Variants in AIM2 observed in about 807,000 individuals in gnomAD.
AIM2 encodes interferon-inducible protein AIM2.
In AIM2, 30 loss-of-function variants were observed where a neutral mutation model predicts 27.7. The ratio of observed to expected loss-of-function variants is 1.08; its 90% CI spans 0.81 to 1.47. The LOEUF (loss-of-function observed/expected upper bound fraction) is 1.47, where lower values mean the gene tolerates loss of function less well. Among genes scored for constraint, AIM2 ranks in the 40% most tolerant of loss-of-function variants. The pLI, the probability that AIM2 is intolerant of heterozygous loss-of-function variation, is 0.00. For synonymous variants in AIM2, 141 were observed against 145.3 expected (o/e 0.97, Z 0.21); for missense variants, 358 against 411.3 (o/e 0.87, Z 1.12).
Position 159,073,251 on chromosome 1 carries a change from C to T in AIM2, c.249G>A (p.Glu83=), listed in dbSNP as rs34479821. The change falls in exon 2 of 6, where the codon GAG becomes GAA. Residue 83 remains glutamate, a synonymous_variant. Coordinates refer to ENST00000368130, the MANE Select transcript of AIM2 (RefSeq NM_004833.3). ...NYMLLAKRLQ[E]EKEKVDKQYK... ...CTCCCACATTACCTTTCTCCTTCTC[C>T]TCCTGAAGACGTTTTGCCAAAAGCA... 4.4e-3 allele frequency: 7,080 copies of T among 1,614,094 alleles called. 199 individuals carry two copies. In the African/African-American group the frequency reaches 0.06, roughly 14 times the overall value.
upstream of AIM2, among the ~76,000 whole-genome samples, chr1:159,143,763 C>T (rs1219003282): frequency 6.6e-6 from 1 of 152,168 alleles, no homozygotes; most frequent in Non-Finnish European, 1.5e-5. Context: ...CTCTCCAACT[C>T]CCTCCAGGAG....
chr1:159,073,596 TA>T, intron 1 of AIM2, 77 bp from the exon 2 acceptor site: 2 of 1,364,262 alleles, frequency 1.5e-6, no homozygotes, highest in Middle Eastern at 3.8e-4. Context: ...GGTGAGCTAT[TA>T]ATATTTTTTA....
the AIM2 span, among the ~76,000 whole-genome samples, chr1:159,056,119 G>A: frequency 6.6e-5 from 10 of 152,170 alleles, no homozygotes; most frequent in South Asian, 2.1e-4. Context: ...AGTTAGGCTC[G>A]CAGACAATTT....
chr1:159,117,352 T>C (rs1647396421), intron 1 of AIM2, among the ~76,000 whole-genome samples: 1 of 151,994 alleles, frequency 6.6e-6, no homozygotes, highest in Admixed American at 6.6e-5. Context: ...GGAGAAAAGG[T>C]ATAGTTAACC....
chr1:159,056,869 C>T, the AIM2 span, among the ~76,000 whole-genome samples: 3,172 of 151,890 alleles, frequency 0.021, 64 homozygotes, highest in Non-Finnish European at 0.032. Context: ...GGGAGTGTCC[C>T]GTAGTACGGA....
At chr1:159,099,873 A>G (rs1014474082) in intron 1 of AIM2, among the ~76,000 whole-genome samples, 1 of 152,148 alleles carries the variant, frequency 6.6e-6, no homozygotes. Context: ...CTGGGTTTAC[A>G]TTTGCACATT....
downstream of AIM2, among the ~76,000 whole-genome samples, chr1:159,062,152 T>C (rs574341415): frequency 7.9e-5 from 12 of 152,214 alleles, no homozygotes; most frequent in Non-Finnish European, 1.5e-4. Flanking sequence ...GGCTCTCTAG[T>C]TTTCCATTGG....
At chr1:159,137,514 G>A (rs1557917168) in intron 1 of AIM2, among the ~76,000 whole-genome samples, 1 of 151,966 alleles carries the variant, frequency 6.6e-6, no homozygotes, top group Admixed American at 6.6e-5. Flanking sequence ...AAAATTAGCC[G>A]GGCATGTTGG....
chr1:159,105,442 C>T lies in AIM2; in HGVS notation c.-16+34989G>A, dbSNP rs1302499246. ...GCATGTTTCTGCCCTGTTTGTGTTACAGCTCTTTCAGTCTCACCATTCAGC... is the reference window on the plus strand; with the variant it reads ...GCATGTTTCTGCCCTGTTTGTGTTATAGCTCTTTCAGTCTCACCATTCAGC... On this transcript the variant is annotated intron_variant, in intron 1 of 2. Transcript: ENST00000368129. Among the ~76,000 whole-genome samples, 5 of 152,238 alleles carry T rather than the reference C, an allele frequency of 3.3e-5. No homozygotes were observed. The East Asian group carries it at 7.7e-4, about 23-fold the overall frequency.
rs563963991 is a variant in AIM2, at chr1:159,122,690, G to A, written c.-16+17741C>T. ...CTCTCAAAGACCTTGGTTCTCGGCA[G>A]AACAAACCAGCCTGAGTCAAAATTG... On this transcript the variant is annotated intron_variant, in intron 1 of 2. Coordinates refer to the AIM2 transcript ENST00000368129. 6.6e-5 allele frequency among the ~76,000 whole-genome samples: 10 copies of A among 152,332 alleles called. No homozygotes were observed. In the South Asian group the frequency reaches 1.9e-3, roughly 28 times the overall value.
chr1:159,075,816 G>A (rs889832898), intron 1 of AIM2, among the ~76,000 whole-genome samples: 7 of 152,098 alleles, frequency 4.6e-5, no homozygotes, highest in African/African-American at 1.7e-4. Flanking sequence ...CATATAAAGT[G>A]GAAGAAATAA....
chr1:159,128,519 T>G lies in AIM2; in HGVS notation c.-16+11912A>C, dbSNP rs1647780684. The stretch of plus-strand genomic sequence containing the variant: ...GTTCACTCAGTTACTCCCACTCTTT[T>G]GACTGCTTTTGACCAAGCCAGTAGT... On this transcript the variant is annotated intron_variant, in intron 1 of 2. Transcript: ENST00000368129. Among the ~76,000 whole-genome samples, 3 of 152,198 alleles carry G rather than the reference T, an allele frequency of 2.0e-5. No homozygotes were observed. The South Asian group carries it at 6.2e-4, about 31-fold the overall frequency.
At chr1:159,063,816 AT>A in intron 4 of AIM2, 142 bp from the exon 5 acceptor site, 1 of 871,288 alleles carries the variant, frequency 1.1e-6, no homozygotes, top group Non-Finnish European at 1.7e-6. Context: ...GTGCAGGTCC[AT>A]TTATATGGGA....
upstream of AIM2, among the ~76,000 whole-genome samples, chr1:159,143,789 G>C (rs1648156398): frequency 6.6e-6 from 1 of 152,130 alleles, no homozygotes; most frequent in South Asian, 2.1e-4. Flanking sequence ...TTCATTATCT[G>C]TAATGTTCCC....
intron 1 of AIM2, among the ~76,000 whole-genome samples, chr1:159,103,358 C>A (rs1212015349): frequency 6.9e-6 from 1 of 144,284 alleles, no homozygotes; most frequent in Non-Finnish European, 1.5e-5. Context: ...CAGGCTAATA[C>A]ATCACAGTTT....
At chr1:159,092,973 C>G (rs975959532) in intron 1 of AIM2, among the ~76,000 whole-genome samples, 2 of 151,946 alleles carry the variant, frequency 1.3e-5, no homozygotes, top group South Asian at 4.2e-4. Flanking sequence ...TTGCAGTGAG[C>G]CAAGATCGCG....
intron 1 of AIM2, among the ~76,000 whole-genome samples, chr1:159,097,856 A>G (rs1657212685): frequency 6.6e-6 from 1 of 152,170 alleles, no homozygotes; most frequent in Admixed American, 6.5e-5. Flanking sequence ...AGGCACTGAA[A>G]CCACTCAACC....
intron 1 of AIM2, among the ~76,000 whole-genome samples, chr1:159,137,290 C>G (rs1458067037): frequency 6.6e-6 from 1 of 152,054 alleles, no homozygotes; most frequent in East Asian, 1.9e-4. Context: ...CTTAAGAGTC[C>G]CAGAATGTGT....
At chr1:159,123,822 T>TA (rs1647606994) in intron 1 of AIM2, among the ~76,000 whole-genome samples, 1 of 152,226 alleles carries the variant, frequency 6.6e-6, no homozygotes, top group Non-Finnish European at 1.5e-5. Context: ...AGTAAAGACC[T>TA]ACGACCTGCC....
Sources: gnomAD v4.1 joint callset for allele counts (sites outside exome capture counted in the v4.1 genomes callset) on GRCh38, gnomAD v4.1.1 for gene constraint, MANE v1.5 for transcripts, NCBI Gene and HGNC (gene_info 2026-07-23, HGNC 2026-07-21) for gene names.